Variants in C11orf91 observed in about 807,000 individuals in gnomAD.
The protein encoded by C11orf91 is chromosome 11 open reading frame 91, also known as uncharacterized protein C11orf91.
In C11orf91, 10 loss-of-function variants were observed where a neutral mutation model predicts 14.3. The observed-to-expected ratio is 0.70, with a 90% CI of 0.43 to 1.18. C11orf91 has a LOEUF of 1.18. Among genes scored for constraint, C11orf91 ranks in the 50% most tolerant of loss-of-function variants. The pLI is 0.00. For missense variants in C11orf91, 236 were observed against 269.0 expected, an observed-to-expected ratio of 0.88 and a Z score of 0.86; for synonymous variants, 141 against 130.6, an observed-to-expected ratio of 1.08 and a Z score of -0.54.
chr11:33,701,406 AGT>A (rs1262044340), upstream of C11orf91, among the ~76,000 whole-genome samples: 1 of 152,228 alleles, frequency 6.6e-6, no homozygotes, highest in African/African-American at 2.4e-5. Context: ...GACCTGAAGG[AGT>A]GTTTTCAGTG....
intron 1 of C11orf91, 58 bp from the exon 2 acceptor site, chr11:33,698,572 T>G: frequency 8.2e-7 from 1 of 1,224,678 alleles, no homozygotes. Context: ...TCCTAACACT[T>G]CCAAAGCAAA....
At chr11:33,700,157 A>G in intron 1 of C11orf91, 88 bp downstream of exon 1, 1 of 1,390,020 alleles carries the variant, frequency 7.2e-7, no homozygotes, top group Non-Finnish European at 9.6e-7. Flanking sequence ...GAGTCAAACC[A>G]GGCTACATTT....
chr11:33,700,676 T>C lies in C11orf91; in HGVS notation c.65A>G (p.Tyr22Cys), dbSNP rs1341514338. The change falls in exon 1 of 2, where the codon TAT becomes TGT. Residue 22 changes from tyrosine (Y) to cysteine (C), a missense_variant. By Grantham distance (194) the Tyr-to-Cys change is radical (BLOSUM62 -2). Transcript: ENST00000379011. ...TMSQRSAPPL[Y>C]FPSLYDRGIS... ...GCCGCGGTCGTACAGGGACGGGAAA[T>C]AGAGGGGCGGAGCCGACCGCTGGCT... 2.7e-6 allele frequency: 4 copies of C among 1,459,438 alleles called. No homozygotes were observed. The highest frequency in any genetic ancestry group is 2.7e-6 in the Non-Finnish European group (3 of 1,108,326). 90.4% of individuals were successfully genotyped at this position (1,459,438 alleles called of 1,614,324 possible).
At chr11:33,699,300 T>C (rs533207805) in intron 1 of C11orf91, among the ~76,000 whole-genome samples, 6 of 152,200 alleles carry the variant, frequency 3.9e-5, no homozygotes, top group Non-Finnish European at 4.4e-5. Flanking sequence ...CACACGGACC[T>C]AAGCATTTAG....
upstream of C11orf91, among the ~76,000 whole-genome samples, chr11:33,700,952 C>T (rs1853115826): frequency 6.6e-6 from 1 of 152,200 alleles, no homozygotes; most frequent in African/African-American, 2.4e-5. Flanking sequence ...TGGCCGCACC[C>T]CGCAGTTAGA....
intron 1 of C11orf91, 131 bp from the exon 2 acceptor site, chr11:33,698,645 G>A: frequency 4.7e-6 from 3 of 643,572 alleles, no homozygotes; most frequent in Non-Finnish European, 8.0e-6. Flanking sequence ...AGATGGGAGA[G>A]AAAAAAACAA....
In C11orf91 at chr11:33,700,320, GCTC is replaced by G; in HGVS notation, c.418_420del (p.Glu140del). ...TTAATCCGGATCTCCAGCTCGCAGA[GCTC>G]CTCCGGGTGGGAGGCAGAGGCGAGC... is the stretch of plus-strand genomic sequence containing the variant. On this transcript the variant is annotated inframe_deletion, in exon 1 of 2. Coordinates refer to ENST00000379011, the MANE Select transcript of C11orf91 (RefSeq NM_001166692.2). 1 of 1,535,434 alleles carries G rather than the reference GCTC, an allele frequency of 6.5e-7. No individual in the cohort carries two copies.
At position 33,700,327 on chromosome 11, in the gene C11orf91, C is replaced by CG. The variant is rs1161504752; in HGVS notation, c.413dup (p.Glu139GlyfsTer11). ...GGATCTCCAGCTCGCAGAGCTCCTC[C>CG]GGGTGGGAGGCAGAGGCGAGCCTGG... On this transcript the variant is annotated frameshift_variant, in exon 1 of 2. Coordinates refer to ENST00000379011, the MANE Select transcript of C11orf91 (RefSeq NM_001166692.2). LOFTEE classifies it high-confidence loss of function. 53 of 1,535,254 alleles carry CG rather than the reference C, an allele frequency of 3.5e-5. No homozygotes were observed. The highest frequency in any genetic ancestry group is 4.4e-5 in the Non-Finnish European group (50 of 1,146,620).
At chr11:33,703,032 G>GTTATATTT (rs1853159688), upstream of C11orf91, 1 of 152,048 alleles carries the variant, frequency 6.6e-6, no homozygotes, top group Non-Finnish European at 1.5e-5. Context: ...GAGATTTTGC[G>GTTATATTT]TTATATTTTT....
chr11:33,700,591 C>T lies in C11orf91; in HGVS notation c.150G>A (p.Lys50=), dbSNP rs1299584870. 4 of 1,463,426 alleles carry T rather than the reference C, an allele frequency of 2.7e-6. No homozygotes were observed. 90.7% of individuals were successfully genotyped at this position (1,463,426 alleles called of 1,614,324 possible). Reference sequence around the variant, plus strand: ...CCCCGCCCACTGGCGCCCCGCCCGCCTTCAGCGGCACGAAGAGCTTCTTCC... The same window carrying T: ...CCCCGCCCACTGGCGCCCCGCCCGCTTTCAGCGGCACGAAGAGCTTCTTCC... The part of the protein sequence containing the change: ...NIWKKLFVPL[K]AGGAPVGGAA... The change falls in exon 1 of 2, where the codon AAG becomes AAA. Residue 50 remains lysine, a synonymous_variant. Coordinates refer to ENST00000379011, the MANE Select transcript of C11orf91 (RefSeq NM_001166692.2).
At chr11:33,701,742 C>T (rs1443036907), upstream of C11orf91, among the ~76,000 whole-genome samples, 1 of 127,490 alleles carries the variant, frequency 7.8e-6, no homozygotes, top group Non-Finnish European at 1.7e-5. Flanking sequence ...TGTATCTGCA[C>T]ACACAGTGCA....
Position 33,700,556 on chromosome 11 carries a change from GC to G in C11orf91, c.184del (p.Ala62ProfsTer108), listed in dbSNP as rs1853107145. ...GGAPVGGAAG[A>X]RSLSQALPAP... ...GGGGAGCGCCTGGGACAGGGACCGG[GC>G]CCCCGCCGCCCCGCCCACTGGCGCC... On this transcript the variant is annotated frameshift_variant, in exon 1 of 2. Transcript: ENST00000379011. LOFTEE classifies it high-confidence loss of function. The G allele has an allele frequency of 2.1e-6, 3 of 1,439,336 alleles. No individual in the cohort carries two copies. Among genetic ancestry groups the G allele is most frequent in the South Asian group, 1.4e-5 (1 of 70,818 alleles). The allele number at this position is 1,439,336 out of a possible 1,614,324, so 89.2% of individuals were successfully genotyped here.
chr11:33,706,425 C>A, the C11orf91 span: 9 of 152,086 alleles, frequency 5.9e-5, no homozygotes, highest in Admixed American at 5.9e-4. Context: ...ACTCTTACAG[C>A]CTTAACAACC....
At position 33,700,007 on chromosome 11, in the gene C11orf91, A is replaced by AGGATGGAGGGAGGATGGAGTTTG. The variant is rs1305347100; in HGVS notation, c.496+237_496+238insCAAACTCCATCCTCCCTCCATCC. On this transcript the variant is annotated intron_variant, in intron 1 of 1. Transcript: ENST00000379011. ...AGAGTCCAGATGACCCAAAGGGTTT[A>AGGATGGAGGGAGGATGGAGTTTG]GGACGGAGGGAGGATGGAGTTTGGG... Among the ~76,000 whole-genome samples the AGGATGGAGGGAGGATGGAGTTTG allele has an allele frequency of 3.2e-3, 490 of 152,114 alleles. 7 individuals carry two copies. Among genetic ancestry groups the AGGATGGAGGGAGGATGGAGTTTG allele is most frequent in the African/African-American group, 0.011 (468 of 41,410 alleles).
chr11:33,699,700 G>T, intron 1 of C11orf91: 9 of 453,646 alleles, frequency 2.0e-5, no homozygotes, highest in South Asian at 1.4e-4. Flanking sequence ...TCCCAGGGGG[G>T]CTGCCCCCCA....
upstream of C11orf91, chr11:33,703,566 CA>C (rs968854027): frequency 2.6e-5 from 4 of 152,264 alleles, no homozygotes; most frequent in African/African-American, 9.6e-5. Flanking sequence ...CTTCGTTGAT[CA>C]GGGTCAGTTG....
intron 1 of C11orf91, chr11:33,699,679 A>G (rs1853088154): frequency 2.2e-6 from 1 of 455,866 alleles, no homozygotes; most frequent in Non-Finnish European, 4.4e-6. Context: ...ACCGGCGCCA[A>G]GGCCACAGAG....
chr11:33,700,946 C>T, upstream of C11orf91: 1 of 421,308 alleles, frequency 2.4e-6, no homozygotes, highest in East Asian at 3.6e-5. Flanking sequence ...CTCGGCTGGC[C>T]GCACCCCGCA....
chr11:33,705,087 A>T (rs531263241), upstream of C11orf91: 1 of 152,290 alleles, frequency 6.6e-6, no homozygotes. Context: ...AGTTTAGTGG[A>T]ATAGGGAGTA....
Sources: gnomAD v4.1 joint callset for allele counts (sites outside exome capture counted in the v4.1 genomes callset) on GRCh38, gnomAD v4.1.1 for gene constraint, MANE v1.5 for transcripts, NCBI Gene and HGNC (gene_info 2026-07-23, HGNC 2026-07-21) for gene names.